Variants in EML1 observed in about 807,000 individuals in gnomAD.
EML1 encodes EMAP like 1.
Under a neutral mutation model 110.4 loss-of-function variants are expected in EML1, and 27 were observed. The ratio of observed to expected loss-of-function variants is 0.24; its 90% CI spans 0.18 to 0.34. The LOEUF (loss-of-function observed/expected upper bound fraction) is 0.34, where lower values mean the gene tolerates loss of function less well. Among genes scored for constraint, EML1 ranks in the 10% least tolerant of loss-of-function variants. The probability of loss-of-function intolerance (pLI) is 1.00; values close to 1 mark genes in which losing one functional copy is unlikely to be tolerated. For synonymous variants in EML1, 344 were observed against 385.8 expected, an observed-to-expected ratio of 0.89 and a Z score of 1.27; for missense variants, 741 against 1,030.9, an observed-to-expected ratio of 0.72 and a Z score of 3.85.
upstream of EML1, among the ~76,000 whole-genome samples, chr14:99,772,641 G>A (rs1173739413): frequency 6.6e-6 from 1 of 152,236 alleles, no homozygotes; most frequent in African/African-American, 2.4e-5. Flanking sequence ...TGTGTTGTCT[G>A]CAGGAGGTTT....
chr14:99,864,952 T>G (rs888190639), intron 2 of EML1, among the ~76,000 whole-genome samples: 1 of 152,180 alleles, frequency 6.6e-6, no homozygotes, highest in Non-Finnish European at 1.5e-5. Context: ...CCAGCCTTTT[T>G]GGCACCAAGG....
rs1398762573 is a variant in EML1 at position 99,935,890 on chromosome 14, A to G, written c.1910-139A>G. The G allele has an allele frequency of 1.0e-5, 8 of 773,616 alleles. No individual in the cohort carries two copies. The Admixed American group carries it at 2.0e-4, about 20-fold the overall frequency. The allele number at this position is 773,616 out of a possible 1,614,324, so 47.9% of individuals were successfully genotyped here. On this transcript the variant is annotated intron_variant, in intron 17 of 21. Coordinates refer to ENST00000262233, the MANE Select transcript of EML1 (RefSeq NM_004434.3). ...TTGGAAGTGGCAAAGGATTCATTGA[A>G]AAGCAGATTTTTCTCTTGGAAATAA...
intron 16 of EML1, 102 bp downstream of exon 16, chr14:99,917,951 A>G (rs1946772256): frequency 2.5e-6 from 3 of 1,182,428 alleles, no homozygotes; most frequent in South Asian, 2.6e-5. Flanking sequence ...TCTTGGCTAC[A>G]TGTTCGAAGC....
At chr14:99,752,985 C>T (rs2057193895) in intron 1 of EML1, among the ~76,000 whole-genome samples, 1 of 152,126 alleles carries the variant, frequency 6.6e-6, no homozygotes, top group Admixed American at 6.5e-5. Context: ...CTTGAGGCAG[C>T]CCTGGCTTTT....
At chr14:99,809,243 T>C (rs2058032933) in intron 1 of EML1, among the ~76,000 whole-genome samples, 1 of 152,238 alleles carries the variant, frequency 6.6e-6, no homozygotes, top group African/African-American at 2.4e-5. Context: ...TTCTGAACAT[T>C]TTCAATTCCC....
chr14:99,805,615 T>C (rs1380267826), intron 1 of EML1, among the ~76,000 whole-genome samples: 2 of 152,058 alleles, frequency 1.3e-5, no homozygotes, highest in Non-Finnish European at 2.9e-5. Flanking sequence ...GCTGGGACTA[T>C]AGGCACATGC....
intron 3 of EML1, among the ~76,000 whole-genome samples, chr14:99,872,457 C>T (rs1334943918): frequency 6.6e-6 from 1 of 152,150 alleles, no homozygotes; most frequent in Admixed American, 6.5e-5. Context: ...TAGACTTTTC[C>T]TTATAATTTA....
chr14:99,836,365 G>A (rs905113225), intron 1 of EML1, among the ~76,000 whole-genome samples: 26 of 152,170 alleles, frequency 1.7e-4, no homozygotes, highest in African/African-American at 6.3e-4. Flanking sequence ...TGACTTTTTT[G>A]TGTTAACCTT....
chr14:99,807,814 A>G (rs568367295), intron 1 of EML1, among the ~76,000 whole-genome samples: 2 of 152,172 alleles, frequency 1.3e-5, no homozygotes, highest in African/African-American at 2.4e-5. Context: ...CTTAGTAGTA[A>G]GTGTCACCTT....
intron 4 of EML1, among the ~76,000 whole-genome samples, chr14:99,882,783 A>G (rs1322919551): frequency 6.6e-6 from 1 of 151,834 alleles, no homozygotes; most frequent in Non-Finnish European, 1.5e-5. Context: ...GGGTTGGACA[A>G]GTTTGATATA....
At chr14:99,916,053 T>C (rs963815948) in intron 15 of EML1, among the ~76,000 whole-genome samples, 5 of 152,224 alleles carry the variant, frequency 3.3e-5, no homozygotes, top group Admixed American at 1.3e-4. Flanking sequence ...AACAGTGTTA[T>C]ATGTTCTACC....
upstream of EML1, among the ~76,000 whole-genome samples, chr14:99,793,145 C>G (rs866022642): frequency 7.8e-4 from 116 of 148,978 alleles, 2 homozygotes; most frequent in East Asian, 0.012. Flanking sequence ...GGCAGACGCG[C>G]CCCTGCGGCT....
At chr14:99,869,156 TAGAGA>T (rs1481782709) in intron 3 of EML1, among the ~76,000 whole-genome samples, 1 of 152,240 alleles carries the variant, frequency 6.6e-6, no homozygotes, top group African/African-American at 2.4e-5. Flanking sequence ...TATTGTGCTT[TAGAGA>T]TACCACATTT....
At chr14:99,811,786 G>A (rs192499595) in intron 1 of EML1, among the ~76,000 whole-genome samples, 2 of 150,926 alleles carry the variant, frequency 1.3e-5, no homozygotes, top group Admixed American at 1.3e-4. Flanking sequence ...CTCCAGACTA[G>A]GCAACAGGAA....
At chr14:99,794,446 C>A (rs1001566934) in intron 1 of EML1, among the ~76,000 whole-genome samples, 3 of 151,946 alleles carry the variant, frequency 2.0e-5, no homozygotes, top group South Asian at 2.1e-4. Flanking sequence ...TAAGTGCAGT[C>A]GGAATAATTT....
At chr14:99,859,203 A>AT (rs1486108113) in intron 2 of EML1, among the ~76,000 whole-genome samples, 1 of 152,236 alleles carries the variant, frequency 6.6e-6, no homozygotes, top group Admixed American at 6.5e-5. Context: ...TGGACCTGAG[A>AT]TTTTTAATAC....
intron 1 of EML1, among the ~76,000 whole-genome samples, chr14:99,785,167 G>A (rs1255752192): frequency 6.6e-6 from 1 of 151,808 alleles, no homozygotes; most frequent in East Asian, 1.9e-4. Flanking sequence ...CAATTCTCCT[G>A]CCTCAGTCTC....
intron 5 of EML1, chr14:99,892,127 C>G (rs2059598467): frequency 1.0e-6 from 1 of 985,304 alleles, no homozygotes; most frequent in Non-Finnish European, 1.2e-6. Flanking sequence ...ACTCCACCGT[C>G]TCTTTATCTA....
chr14:99,744,681 G>C (rs1274950243), intron 1 of EML1, among the ~76,000 whole-genome samples: 3 of 152,242 alleles, frequency 2.0e-5, no homozygotes, highest in African/African-American at 7.2e-5. Context: ...CCAGGGGCAA[G>C]ACTTTTCAAA....
Sources: gnomAD v4.1 joint callset for allele counts (sites outside exome capture counted in the v4.1 genomes callset) on GRCh38, gnomAD v4.1.1 for gene constraint, MANE v1.5 for transcripts, NCBI Gene and HGNC (gene_info 2026-07-23, HGNC 2026-07-21) for gene names.